ZNF836: variants seen among roughly 807,000 people sequenced by gnomAD.
The protein encoded by ZNF836 is zinc finger protein 836.
In ZNF836, 12 loss-of-function variants were observed where a neutral mutation model predicts 7.4. The observed-to-expected ratio is 1.61, with a 90% confidence interval of 1.03 to 2.61. The LOEUF (loss-of-function observed/expected upper bound fraction) is 2.61. Among genes scored for constraint, ZNF836 ranks in the 30% most tolerant of loss-of-function variants. ZNF836 has a pLI of 0.00. For synonymous variants in ZNF836, 365 were observed against 382.6 expected (o/e 0.95, Z 0.54); for missense variants, 998 against 1,126.2 (o/e 0.89, Z 1.63).
Position 52,156,601 on chromosome 19 carries a change from T to C in ZNF836, c.1082A>G (p.Asp361Gly). 6.2e-7 allele frequency: 1 copy of C among 1,613,522 alleles called. No individual in the cohort carries two copies. Among genetic ancestry groups the C allele is most frequent in the Non-Finnish European group, 8.5e-7 (1 of 1,179,562 alleles). The change falls in exon 5 of 5, where the codon GAT becomes GGT. Residue 361 changes from aspartate to glycine, a missense_variant. Asp to Gly is a moderately conservative substitution (Grantham distance 94). Transcript: ENST00000682614. ...CTGCCTGAAGACCTTGCCACATATA[T>C]CACATTGATATGGTTTCTCTCCTGT... ...IHTGEKPYQC[D>G]ICGKVFRQNS...
At chr19:52,169,928 T>G (rs1331352768) in intron 1 of ZNF836, 147 bp from the exon 2 acceptor site, 2 of 152,230 alleles carry the variant, frequency 1.3e-5, no homozygotes, top group Non-Finnish European at 2.9e-5. Context: ...TTAAATGCTC[T>G]CTGGCTAAAC....
At chr19:52,159,005 G>T (rs1047538919) in intron 4 of ZNF836, among the ~76,000 whole-genome samples, 16 of 152,080 alleles carry the variant, frequency 1.1e-4, no homozygotes, top group African/African-American at 3.9e-4. Context: ...CAATCCTTCT[G>T]CCATGTGAGG....
rs1192680524 is a variant in ZNF836 at position 52,168,111 on chromosome 19, C to T, written c.-39G>A. 1.2e-6 allele frequency: 2 copies of T among 1,607,324 alleles called. No homozygotes were observed. Among genetic ancestry groups the T allele is most frequent in the Middle Eastern group, 1.7e-4 (1 of 6,034 alleles). ...TCTTTCCTCTTCTTCCTCTTCTGGG[C>T]TTCTCTCTCAGTCAATATAATTAAT... is the stretch of plus-strand genomic sequence containing the variant. On this transcript the variant is annotated 5_prime_UTR_variant, in exon 3 of 5. Coordinates refer to ENST00000682614, the MANE Select transcript of ZNF836 (RefSeq NM_001102657.3).
chr19:52,160,369 C>T (rs2089202296), intron 4 of ZNF836, 96 bp downstream of exon 4: 1 of 1,504,668 alleles, frequency 6.6e-7, no homozygotes, highest in African/African-American at 1.4e-5. Context: ...GCTTCAGTCT[C>T]AGTCAAATAA....
At chr19:52,159,193 T>C (rs1020411558) in intron 4 of ZNF836, among the ~76,000 whole-genome samples, 1 of 152,210 alleles carries the variant, frequency 6.6e-6, no homozygotes, top group Admixed American at 6.5e-5. Context: ...AAAGCTAATA[T>C]GCCATCTCAT....
chr19:52,158,943 G>C (rs1734329943), intron 4 of ZNF836, among the ~76,000 whole-genome samples: 1 of 152,106 alleles, frequency 6.6e-6, no homozygotes, highest in Admixed American at 6.5e-5. Flanking sequence ...AGAATTTCAG[G>C]AACGGAATAG....
chr19:52,160,408 G>GAA (rs1453959715), intron 4 of ZNF836, 57 bp downstream of exon 4: 5 of 1,611,456 alleles, frequency 3.1e-6, no homozygotes, highest in Non-Finnish European at 4.2e-6. Flanking sequence ...AGACAACAGA[G>GAA]AAAATACAAA....
In ZNF836 at chr19:52,154,629, C is replaced by A; in HGVS notation, c.*243G>T. 3.1e-6 allele frequency: 1 copy of A among 320,608 alleles called. No individual in the cohort carries two copies. Among genetic ancestry groups the A allele is most frequent in the Non-Finnish European group, 5.7e-6 (1 of 175,058 alleles). 19.9% of individuals were successfully genotyped at this position (320,608 alleles called of 1,614,324 possible). A position where few individuals can be genotyped will look rare whatever the true frequency, so the allele number is the denominator to read the frequency against. Reference sequence around the variant, plus strand: ...GAGCCTAGATCACGCCACTGCATTCCAGCCTGGCGACAGAGAGAGACTCCG... The same window carrying A: ...GAGCCTAGATCACGCCACTGCATTCAAGCCTGGCGACAGAGAGAGACTCCG... On this transcript the variant is annotated 3_prime_UTR_variant, in exon 5 of 5. Transcript: ENST00000682614.
chr19:52,157,470 T>A lies in ZNF836; in HGVS notation c.213A>T (p.Gln71His). The change falls in exon 5 of 5, where the codon CAA (glutamine) becomes CAT (histidine). Residue 71 changes from glutamine to histidine, a missense_variant. Physicochemically the swap from Gln to His is conservative, Grantham distance 24. Transcript: ENST00000682614. The part of the protein sequence containing the change: ...IGNSNTGEKC[Q>H]TVTLERHECY... ...ATTCATGTCTTTCCAGCGTCACTGT[T>A]TGGCATTTTTCTCCTGTATTACTGT... 1 of 1,590,800 alleles carries A rather than the reference T, an allele frequency of 6.3e-7. No homozygotes were observed. The highest frequency in any genetic ancestry group is 8.5e-7 in the Non-Finnish European group (1 of 1,172,534).
intron 3 of ZNF836, among the ~76,000 whole-genome samples, chr19:52,162,483 G>C (rs2089221054): frequency 2.0e-5 from 3 of 152,238 alleles, no homozygotes. Context: ...AAGGTTTACA[G>C]TTTGTGTGTT....
At position 52,155,065 on chromosome 19, in the gene ZNF836, C is replaced by T. The variant is rs924209215; in HGVS notation, c.2618G>A (p.Arg873Gln). The change falls in exon 5 of 5, where the codon CGG (arginine) becomes CAG (glutamine). Residue 873 changes from arginine to glutamine, a missense_variant. By Grantham distance (43) the Arg-to-Gln change is conservative. Transcript: ENST00000682614. ...TTGGTGTTTGTTGAGGCAAGAAAAC[C>T]GCCCAAAGGCCTTGCCACATTCAAT... Reference protein sequence around the residue: ...KCIECGKAFGRFSCLNKHQMI... With the variant: ...KCIECGKAFGQFSCLNKHQMI... The T allele has an allele frequency of 1.4e-5, 23 of 1,613,978 alleles. No homozygotes were observed. Among genetic ancestry groups the T allele is most frequent in the South Asian group, 3.3e-5 (3 of 91,084 alleles).
rs2089142275 is a variant in ZNF836 at position 52,155,299 on chromosome 19, C to T, written c.2384G>A (p.Arg795His). ...CTCTCCAGTATGAATACTCCGATGA[C>T]GTGCTAGTGTTGATTGATGACGAAA... ...KVFRHQSTLA[R>H]HRSIHTGEKP... Residue 795 changes from arginine to histidine, a missense_variant, in exon 5 of 5, where the codon CGT becomes CAT. Transcript: ENST00000682614. The T allele has an allele frequency of 3.7e-6, 6 of 1,613,882 alleles. No individual in the cohort carries two copies. Among genetic ancestry groups the T allele is most frequent in the Admixed American group, 1.7e-5 (1 of 60,004 alleles).
rs370661779 is a variant in ZNF836, at chr19:52,154,616, C to T, written c.*256G>A. 49 of 288,922 alleles carry T rather than the reference C, an allele frequency of 1.7e-4. No individual in the cohort carries two copies. Among genetic ancestry groups the T allele is most frequent in the East Asian group, 3.2e-4 (5 of 15,522 alleles). The allele number at this position is 288,922 out of a possible 1,614,324, so 17.9% of individuals were successfully genotyped here. On this transcript the variant is annotated 3_prime_UTR_variant, in exon 5 of 5. Coordinates refer to ENST00000682614, the MANE Select transcript of ZNF836 (RefSeq NM_001102657.3). ...CAGAGGTTGCAGTGAGCCTAGATCA[C>T]GCCACTGCATTCCAGCCTGGCGACA...
chr19:52,165,908 A>G (rs1351934719), intron 3 of ZNF836, among the ~76,000 whole-genome samples: 1 of 151,620 alleles, frequency 6.6e-6, no homozygotes, highest in South Asian at 2.1e-4. Flanking sequence ...TCTTTGCTCA[A>G]TTTTTTTTTA....
rs765403503 is a variant in ZNF836 at position 52,156,180 on chromosome 19, A to C, written c.1503T>G (p.Asp501Glu). 3.1e-6 allele frequency: 5 copies of C among 1,614,064 alleles called. No homozygotes were observed. The African/African-American group carries it at 6.7e-5, about 22-fold the overall frequency. ...CCTGTTTAAAGGCTTTACCACATTT[A>C]TCACATTTGTAAGGTTTCTCTCCAG... ...IHTGEKPYKC[D>E]KCGKAFKQGS... The change falls in exon 5 of 5, where the codon GAT becomes GAG. Residue 501 changes from aspartate (D) to glutamate (E), a missense_variant. Asp to Glu is a conservative substitution (Grantham distance 45). Coordinates refer to ENST00000682614, the MANE Select transcript of ZNF836 (RefSeq NM_001102657.3).
At chr19:52,168,604 C>A (rs557770031) in intron 2 of ZNF836, among the ~76,000 whole-genome samples, 2 of 151,690 alleles carry the variant, frequency 1.3e-5, no homozygotes, top group Non-Finnish European at 2.9e-5. Flanking sequence ...ATAAATCAAT[C>A]AATAAAAATA....
chr19:52,164,962 T>C (rs1040098198), intron 3 of ZNF836, among the ~76,000 whole-genome samples: 2 of 152,008 alleles, frequency 1.3e-5, no homozygotes, highest in African/African-American at 4.8e-5. Context: ...TGGTGGTGAG[T>C]GCCAATAGTC....
Position 52,157,113 on chromosome 19 carries a change from G to T in ZNF836, c.570C>A (p.Asn190Lys). 2 of 1,613,874 alleles carry T rather than the reference G, an allele frequency of 1.2e-6. No individual in the cohort carries two copies. Among genetic ancestry groups the T allele is most frequent in the South Asian group, 2.2e-5 (2 of 91,066 alleles). Reference sequence around the variant, plus strand: ...ACTCATTCTCATATTTTTTAGAAATGTTGGTTTGGACACTAGGAAGAATTC... The same window carrying T: ...ACTCATTCTCATATTTTTTAGAAATTTTGGTTTGGACACTAGGAAGAATTC... ...LQRILPSVQT[N>K]ISKKYENEFL... The change falls in exon 5 of 5, where the codon AAC becomes AAA. Residue 190 changes from asparagine to lysine, a missense_variant. By Grantham distance (94) the Asn-to-Lys change is moderately conservative. Coordinates refer to ENST00000682614, the MANE Select transcript of ZNF836 (RefSeq NM_001102657.3).
rs868764420 is a variant in ZNF836, at chr19:52,170,151, T to G, written c.-214-370A>C. Among the ~76,000 whole-genome samples the G allele has an allele frequency of 1.2e-4, 18 of 152,234 alleles. No individual in the cohort carries two copies. In the South Asian group the frequency reaches 1.2e-3, roughly 11 times the overall value. On this transcript the variant is annotated intron_variant, in intron 1 of 4. Transcript: ENST00000682614. Reference sequence around the variant, plus strand: ...TCCTCTCCCACTTTCTTCACTATTGTGTGTGTCCCTCTCTCATTCTGCACC... The same window carrying G: ...TCCTCTCCCACTTTCTTCACTATTGGGTGTGTCCCTCTCTCATTCTGCACC...
Sources: allele counts gnomAD v4.1 joint callset (sites outside exome capture counted in the v4.1 genomes callset), GRCh38; gene constraint gnomAD v4.1.1; transcripts MANE v1.5; gene names NCBI Gene and HGNC (gene_info 2026-07-23, HGNC 2026-07-21).